ATG10: variants seen among roughly 807,000 people sequenced by gnomAD.
ATG10 encodes ubiquitin-like-conjugating enzyme ATG10.
A neutral mutation model predicts 32.1 loss-of-function variants in ATG10; 30 were observed. The observed-to-expected ratio is 0.94, with a 90% CI of 0.70 to 1.27. ATG10 has a LOEUF of 1.27. Ranked by LOEUF, ATG10 falls within the 50% of genes most tolerant of loss-of-function variation. The pLI, the probability that ATG10 is intolerant of heterozygous loss-of-function variation, is 0.00. For missense variants in ATG10, 233 were observed against 262.3 expected (o/e 0.89, Z 0.77); for synonymous variants, 87 against 91.5 (o/e 0.95, Z 0.28).
chr5:82,025,251 G>A lies in ATG10; in HGVS notation c.109-33244G>A, dbSNP rs547184871. On this transcript the variant is annotated intron_variant, in intron 2 of 7. Coordinates refer to ENST00000282185, the MANE Select transcript of ATG10 (RefSeq NM_031482.5). ...AGATTAATGTGTTATATAACATAGG[G>A]TCATAAAAATGTACATAAGTCATAG... Among the ~76,000 whole-genome samples, 57 of 152,256 alleles carry A rather than the reference G, an allele frequency of 3.7e-4. 1 individual carries two copies. The Middle Eastern group carries it at 0.01, about 27-fold the overall frequency.
At chr5:82,075,353 A>C (rs1232856424) in intron 3 of ATG10, among the ~76,000 whole-genome samples, 3 of 152,212 alleles carry the variant, frequency 2.0e-5, no homozygotes, top group African/African-American at 7.2e-5. Flanking sequence ...GAGAAATCAA[A>C]GGCTATTTTG....
chr5:82,250,410 G>A (rs1747207593), intron 5 of ATG10, among the ~76,000 whole-genome samples: 1 of 152,170 alleles, frequency 6.6e-6, no homozygotes, highest in Non-Finnish European at 1.5e-5. Flanking sequence ...AAGGCTACAG[G>A]ATCCAGGATG....
chr5:82,217,381 A>G (rs1049925593), intron 5 of ATG10, among the ~76,000 whole-genome samples: 1 of 152,184 alleles, frequency 6.6e-6, no homozygotes, highest in South Asian at 2.1e-4. Context: ...ATTTATGTGC[A>G]TTAGTTCATT....
chr5:82,200,004 G>C (rs1370491714), intron 5 of ATG10, among the ~76,000 whole-genome samples: 1 of 152,110 alleles, frequency 6.6e-6, no homozygotes, highest in Non-Finnish European at 1.5e-5. Context: ...TCCATTGTAT[G>C]AATGTACAGC....
chr5:82,098,307 G>GTT (rs1561297245), intron 3 of ATG10, among the ~76,000 whole-genome samples: 7 of 141,188 alleles, frequency 5.0e-5, no homozygotes, highest in African/African-American at 1.6e-4. Context: ...ATTGTTGTTG[G>GTT]GTTTTTTTTT....
intron 3 of ATG10, among the ~76,000 whole-genome samples, chr5:82,070,603 A>G (rs908893343): frequency 3.9e-5 from 6 of 152,092 alleles, no homozygotes; most frequent in Admixed American, 6.6e-5. Context: ...AAGGTCCTCA[A>G]TGACATCAGT....
chr5:82,051,735 T>G (rs1243882646), intron 2 of ATG10, among the ~76,000 whole-genome samples: 1 of 151,476 alleles, frequency 6.6e-6, no homozygotes, highest in Admixed American at 6.6e-5. Context: ...TGGGGAGGAG[T>G]CGTATTAACA....
At position 82,254,899 on chromosome 5, in the gene ATG10, A is replaced by AGTGTGAGT. The variant is rs1554061506; in HGVS notation, c.*841_*842insAGTGTGTG. 1 of 149,644 alleles carries AGTGTGAGT rather than the reference A, an allele frequency of 6.7e-6. No homozygotes were observed. The highest frequency in any genetic ancestry group is 1.5e-5 in the Non-Finnish European group (1 of 67,462). 9.3% of individuals were successfully genotyped at this position (149,644 alleles called of 1,614,324 possible). A position where few individuals can be genotyped will look rare whatever the true frequency, so the allele number is the denominator to read the frequency against. On this transcript the variant is annotated 3_prime_UTR_variant, in exon 8 of 8. Transcript: ENST00000282185. Reference sequence around the variant, plus strand: ...AAAAGAGAGAGAGAGAGTGAGTGTGAGTGTGTGTGTGTGTGTGTGTGTATG... The same window carrying AGTGTGAGT: ...AAAAGAGAGAGAGAGAGTGAGTGTGAGTGTGAGTGTGTGTGTGTGTGTGTGTGTGTATG...
intron 5 of ATG10, among the ~76,000 whole-genome samples, chr5:82,223,059 G>A (rs1459055669): frequency 6.6e-6 from 1 of 152,188 alleles, no homozygotes. Context: ...TACTCTGTGA[G>A]GAAATGATGG....
At chr5:82,142,617 C>T (rs1767198634) in intron 3 of ATG10, among the ~76,000 whole-genome samples, 3 of 152,132 alleles carry the variant, frequency 2.0e-5, no homozygotes, top group South Asian at 4.1e-4. Context: ...CGAATATTGA[C>T]CTGTGTAACT....
intron 3 of ATG10, among the ~76,000 whole-genome samples, chr5:82,133,778 G>C (rs534695884): frequency 6.6e-6 from 1 of 152,212 alleles, no homozygotes; most frequent in Non-Finnish European, 1.5e-5. Context: ...CTGGTAGCTT[G>C]ATGGGAATAG....
chr5:82,186,288 TA>T (rs1018426530), intron 5 of ATG10, among the ~76,000 whole-genome samples: 70 of 152,234 alleles, frequency 4.6e-4, no homozygotes, highest in African/African-American at 1.6e-3. Context: ...ATAAGTCATT[TA>T]GGGGGCAGGT....
In ATG10 at chr5:82,009,627, A is replaced by G. The variant is rs931498845; in HGVS notation, c.108+21949A>G. The stretch of plus-strand genomic sequence containing the variant: ...GAGTTGTCCACAGTCAGCAATGGTG[A>G]TCTTCTTGCTGGTCTTGCCATTCCT... On this transcript the variant is annotated intron_variant, in intron 2 of 7. Transcript: ENST00000282185. The G allele has an allele frequency of 3.8e-6, 6 of 1,590,394 alleles. No individual in the cohort carries two copies. The African/African-American group carries it at 6.7e-5, about 18-fold the overall frequency.
chr5:82,230,732 C>CAAAAAAAAAA (rs397881697), intron 5 of ATG10, among the ~76,000 whole-genome samples: 25 of 58,768 alleles, frequency 4.3e-4, no homozygotes, highest in Non-Finnish European at 5.6e-4. Context: ...GACTCCGTCT[C>CAAAAAAAAAA]AAAAAAAAAA....
intron 5 of ATG10, among the ~76,000 whole-genome samples, chr5:82,208,132 G>A (rs1745369239): frequency 6.6e-6 from 1 of 151,970 alleles, no homozygotes; most frequent in Admixed American, 6.6e-5. Flanking sequence ...GTTTCCACAT[G>A]TTCTTGGATC....
intron 5 of ATG10, among the ~76,000 whole-genome samples, chr5:82,214,191 C>T (rs1745592083): frequency 6.6e-6 from 1 of 152,166 alleles, no homozygotes; most frequent in South Asian, 2.1e-4. Flanking sequence ...ACTTAGAATA[C>T]ATCATAATCA....
At chr5:82,157,749 A>G (rs1235711922) in intron 3 of ATG10, among the ~76,000 whole-genome samples, 1 of 152,198 alleles carries the variant, frequency 6.6e-6, no homozygotes, top group Admixed American at 6.5e-5. Flanking sequence ...TGAAGAGTAT[A>G]TTACATCGCA....
At chr5:82,154,576 C>A (rs554866026) in intron 3 of ATG10, among the ~76,000 whole-genome samples, 45 of 152,248 alleles carry the variant, frequency 3.0e-4, no homozygotes, top group African/African-American at 1.1e-3. Flanking sequence ...ACATCTAGCT[C>A]CAAATTCTGT....
At chr5:82,188,886 C>G (rs1744554716) in intron 5 of ATG10, among the ~76,000 whole-genome samples, 3 of 152,032 alleles carry the variant, frequency 2.0e-5, no homozygotes, top group African/African-American at 7.2e-5. Flanking sequence ...TTCCCACTTT[C>G]TACTCCCTTC....
Sources: allele counts gnomAD v4.1 joint callset (sites outside exome capture counted in the v4.1 genomes callset), GRCh38; gene constraint gnomAD v4.1.1; transcripts MANE v1.5; gene names NCBI Gene and HGNC (gene_info 2026-07-23, HGNC 2026-07-21).